The following RSRC1 variants were observed in gnomAD, a reference collection of about 807,000 sequenced individuals.
RSRC1 encodes the protein serine/Arginine-related protein 53.
Under a neutral mutation model 49.1 loss-of-function variants are expected in RSRC1, and 39 were observed. The observed-to-expected ratio is 0.79, with a 90% confidence interval of 0.61 to 1.04. The LOEUF is 1.04. RSRC1 is among the 50% of genes least tolerant of loss of function. RSRC1 has a pLI of 0.00. For missense variants in RSRC1, 388 were observed against 402.4 expected, an observed-to-expected ratio of 0.96 and a Z score of 0.31; for synonymous variants, 143 against 130.8, an observed-to-expected ratio of 1.09 and a Z score of -0.63.
chr3:158,388,975 A>C (rs11719188), intron 6 of RSRC1, among the ~76,000 whole-genome samples: 64,917 of 151,976 alleles, frequency 0.43, 14,757 homozygotes, highest in South Asian at 0.6. Flanking sequence ...ATAGATATAG[A>C]TACAATTATT....
In RSRC1 at chr3:158,122,196, A is replaced by G. The variant is rs999462855; in HGVS notation, c.92A>G (p.Asp31Gly). 4 of 1,608,452 alleles carry G rather than the reference A, an allele frequency of 2.5e-6. No homozygotes were observed. In the African/African-American group the frequency reaches 4.0e-5, roughly 16 times the overall value. ...CGGTCCTCCTCGAGCAGTTCTTCAG[A>G]TAGTAGAACATACAGCCGAAAGAAA... ...RRRSSSSSSS[D>G]SRTYSRKKGG... Residue 31 changes from aspartate (D) to glycine (G), a missense_variant, in exon 2 of 10, where the codon GAT becomes GGT. Coordinates refer to ENST00000611884, the MANE Select transcript of RSRC1 (RefSeq NM_001271838.2).
intron 5 of RSRC1, among the ~76,000 whole-genome samples, chr3:158,318,916 T>C (rs192513818): frequency 3.3e-5 from 5 of 152,224 alleles, no homozygotes; most frequent in African/African-American, 1.2e-4. Context: ...ATAAATAAGA[T>C]TTGAAGTGGA....
chr3:158,294,672 A>G (rs1274850417), intron 4 of RSRC1, among the ~76,000 whole-genome samples: 2 of 152,114 alleles, frequency 1.3e-5, no homozygotes, highest in East Asian at 1.9e-4. Flanking sequence ...TTTAGCCTCA[A>G]CTACTTTCCC....
chr3:158,526,417 G>A lies in RSRC1; in HGVS notation c.653-10675G>A, dbSNP rs534912408. On this transcript the variant is annotated intron_variant, in intron 7 of 9. Transcript: ENST00000611884. Reference sequence around the variant, plus strand: ...TTAAACTTAGAAATGAGTATATTACGTATTACCAAAAATTAGGATCAAGTG... The same window carrying A: ...TTAAACTTAGAAATGAGTATATTACATATTACCAAAAATTAGGATCAAGTG... Among the ~76,000 whole-genome samples, 9 of 152,050 alleles carry A rather than the reference G, an allele frequency of 5.9e-5. 1 individual carries two copies. In the South Asian group the frequency reaches 1.7e-3, roughly 28 times the overall value.
intron 6 of RSRC1, among the ~76,000 whole-genome samples, chr3:158,401,867 T>C (rs1733910741): frequency 6.6e-6 from 1 of 151,956 alleles, no homozygotes; most frequent in Non-Finnish European, 1.5e-5. Context: ...ATTTATGAAC[T>C]TAATGAAAAC....
intron 7 of RSRC1, among the ~76,000 whole-genome samples, chr3:158,521,903 A>G (rs1376232531): frequency 6.6e-6 from 1 of 152,072 alleles, no homozygotes; most frequent in Admixed American, 6.6e-5. Flanking sequence ...GAATGGCTCT[A>G]TATATGTCTC....
At chr3:158,270,125 C>T (rs1301771300) in intron 4 of RSRC1, among the ~76,000 whole-genome samples, 1 of 152,010 alleles carries the variant, frequency 6.6e-6, no homozygotes, top group Non-Finnish European at 1.5e-5. Flanking sequence ...CTCGGTAAAG[C>T]TTTTGTCCAA....
chr3:158,118,308 C>T (rs532364634), intron 1 of RSRC1, among the ~76,000 whole-genome samples: 6 of 151,948 alleles, frequency 3.9e-5, no homozygotes, highest in South Asian at 2.1e-4. Context: ...GGGAGTGCAG[C>T]GGTGCAGTCA....
intron 4 of RSRC1, among the ~76,000 whole-genome samples, chr3:158,261,670 G>C (rs1197947009): frequency 6.6e-6 from 1 of 152,150 alleles, no homozygotes; most frequent in Non-Finnish European, 1.5e-5. Flanking sequence ...TGTCAGATCA[G>C]CAGCAGTATT....
intron 3 of RSRC1, among the ~76,000 whole-genome samples, chr3:158,158,916 G>A (rs1403132831): frequency 6.7e-6 from 1 of 149,128 alleles, no homozygotes; most frequent in Non-Finnish European, 1.5e-5. Flanking sequence ...TCCAGCCTTG[G>A]CAACAGAGTG....
At chr3:158,416,486 T>C (rs1734742755) in intron 6 of RSRC1, among the ~76,000 whole-genome samples, 1 of 152,070 alleles carries the variant, frequency 6.6e-6, no homozygotes, top group South Asian at 2.1e-4. Context: ...AACAGCCTCA[T>C]GGAGAGACCA....
At chr3:158,409,687 A>T (rs958698164) in intron 6 of RSRC1, among the ~76,000 whole-genome samples, 1 of 151,742 alleles carries the variant, frequency 6.6e-6, no homozygotes, top group African/African-American at 2.4e-5. Flanking sequence ...GCTATTGCCT[A>T]TTATCACCAA....
chr3:158,314,241 C>T (rs1263209284), intron 5 of RSRC1, among the ~76,000 whole-genome samples: 1 of 152,034 alleles, frequency 6.6e-6, no homozygotes, highest in Non-Finnish European at 1.5e-5. Context: ...CAGGTGCCTG[C>T]CACCACGCCT....
intron 5 of RSRC1, among the ~76,000 whole-genome samples, chr3:158,309,425 AT>A (rs1305896466): frequency 5.3e-5 from 8 of 151,822 alleles, no homozygotes; most frequent in African/African-American, 1.9e-4. Context: ...CTGATTTTCT[AT>A]TTTTTGAACT....
At chr3:158,167,157 T>G (rs4320040) in intron 3 of RSRC1, among the ~76,000 whole-genome samples, 95,768 of 151,874 alleles carry the variant, frequency 0.63, 30,819 homozygotes, top group East Asian at 0.73. Context: ...TGTTTTATTT[T>G]TGTGGTGGTA....
intron 3 of RSRC1, among the ~76,000 whole-genome samples, chr3:158,171,990 A>G (rs1218367918): frequency 6.6e-6 from 1 of 152,078 alleles, no homozygotes; most frequent in Non-Finnish European, 1.5e-5. Context: ...AAAACCATAC[A>G]TAAATGAAAT....
chr3:158,219,040 A>G (rs1182620136), intron 4 of RSRC1, among the ~76,000 whole-genome samples: 1 of 151,698 alleles, frequency 6.6e-6, no homozygotes, highest in African/African-American at 2.4e-5. Context: ...AAGGACACTT[A>G]ATCCAAAATT....
chr3:158,500,819 TTTTG>T (rs1434268713), intron 7 of RSRC1, among the ~76,000 whole-genome samples: 7 of 152,112 alleles, frequency 4.6e-5, no homozygotes, highest in African/African-American at 9.7e-5. Flanking sequence ...CAGCTTTTTG[TTTTG>T]TTTATCTTTT....
At chr3:158,433,987 G>A (rs1458914317) in intron 6 of RSRC1, among the ~76,000 whole-genome samples, 1 of 151,894 alleles carries the variant, frequency 6.6e-6, no homozygotes, top group Non-Finnish European at 1.5e-5. Flanking sequence ...CTCATTCTTA[G>A]AGAGTCTAGA....
Sources: allele counts gnomAD v4.1 joint callset (sites outside exome capture counted in the v4.1 genomes callset), GRCh38; gene constraint gnomAD v4.1.1; transcripts MANE v1.5; gene names NCBI Gene and HGNC (gene_info 2026-07-23, HGNC 2026-07-21).